Variants in NFIC observed in about 807,000 individuals in gnomAD.
NFIC encodes nuclear factor I C, also known as nuclear factor 1 C-type.
Under a neutral mutation model 54.4 loss-of-function variants are expected in NFIC, and 12 were observed. That is an observed-to-expected ratio of 0.22 (90% CI 0.14 to 0.36). NFIC has a LOEUF of 0.36. Among genes scored for constraint, NFIC ranks in the 10% least tolerant of loss-of-function variants. NFIC has a pLI of 1.00. For synonymous variants in NFIC, 322 were observed against 319.2 expected (o/e 1.01, Z -0.09); for missense variants, 575 against 718.2 (o/e 0.80, Z 2.28).
At chr19:3,432,736 G>A (rs1280667446) in intron 3 of NFIC, among the ~76,000 whole-genome samples, 1 of 148,244 alleles carries the variant, frequency 6.7e-6, no homozygotes, top group Non-Finnish European at 1.5e-5. Flanking sequence ...GTGCAGTGGC[G>A]CAATCTCGGC....
At chr19:3,364,065 A>G (rs1408177357), upstream of NFIC, among the ~76,000 whole-genome samples, 1 of 151,990 alleles carries the variant, frequency 6.6e-6, no homozygotes, top group African/African-American at 2.4e-5. Context: ...TGTGGGCATT[A>G]GTTTTATAGG....
rs2082687577 is a variant in NFIC at position 3,464,394 on chromosome 19, C to A, written c.*1625C>A. The A allele has an allele frequency of 1.0e-6, 1 of 984,416 alleles. No individual in the cohort carries two copies. Among genetic ancestry groups the A allele is most frequent in the Non-Finnish European group, 1.2e-6 (1 of 829,216 alleles). 61.0% of individuals were successfully genotyped at this position (984,416 alleles called of 1,614,324 possible). ...ACACTAAGCTGGGGACGCCAGGTGC[C>A]CCCCCACCCCGGCTCCCTGGCCCTA... On this transcript the variant is annotated 3_prime_UTR_variant, in exon 11 of 11. Transcript: ENST00000443272.
chr19:3,367,239 G>A (rs2080907525), intron 1 of NFIC, among the ~76,000 whole-genome samples: 2 of 152,208 alleles, frequency 1.3e-5, no homozygotes, highest in Admixed American at 6.5e-5. Context: ...GAGGGGGAGG[G>A]GGCAGGAGAA....
At position 3,461,066 on chromosome 19, in the gene NFIC, AGT is replaced by A. The variant is rs2082631076; in HGVS notation, c.1510-1684_1510-1683del. Among the ~76,000 whole-genome samples, 5 of 152,098 alleles carry A rather than the reference AGT, an allele frequency of 3.3e-5. 1 individual carries two copies. The South Asian group carries it at 1.0e-3, about 32-fold the overall frequency. ...CTTGAACCCGGGAGGCAGAGGTTGC[AGT>A]GAGCCAAGATCGTGCCACTGCACTC... On this transcript the variant is annotated intron_variant, in intron 10 of 10. Coordinates refer to ENST00000443272, the MANE Select transcript of NFIC (RefSeq NM_001245002.2).
In NFIC at chr19:3,458,197, G is replaced by A. The variant is rs967745474; in HGVS notation, c.1509+1562G>A. Among the ~76,000 whole-genome samples the A allele has an allele frequency of 3.3e-5, 5 of 152,266 alleles. No homozygotes were observed. In the East Asian group the frequency reaches 7.7e-4, roughly 24 times the overall value. On this transcript the variant is annotated intron_variant, in intron 10 of 10. Transcript: ENST00000443272. This position sits in a 1 kb window ranked among gnomAD's most constrained non-coding sequence, Gnocchi z 4.1. ...AGTAACTTGGTCAGGGTCCCCCAGC[G>A]AGCAGACGTCCAGGACTCCTCGCTT...
chr19:3,456,672 G>T (rs753279348), intron 10 of NFIC, 37 bp downstream of exon 10: 15 of 1,125,560 alleles, frequency 1.3e-5, no homozygotes, highest in Non-Finnish European at 1.7e-5. Flanking sequence ...GGTGGGAGGG[G>T]CAGGGCAGAG....
chr19:3,386,210 A>G (rs552991413), intron 2 of NFIC, among the ~76,000 whole-genome samples: 4 of 151,852 alleles, frequency 2.6e-5, no homozygotes, highest in Non-Finnish European at 4.4e-5. Context: ...AAAATGGCAA[A>G]ACCCCATCTC....
chr19:3,405,158 G>T (rs2081627028), intron 2 of NFIC, among the ~76,000 whole-genome samples: 1 of 152,252 alleles, frequency 6.6e-6, no homozygotes, highest in Non-Finnish European at 1.5e-5. Context: ...GGCGGCAGGG[G>T]AGAGGGAGAT....
At chr19:3,386,971 C>T (rs1000386567) in intron 2 of NFIC, among the ~76,000 whole-genome samples, 2 of 152,198 alleles carry the variant, frequency 1.3e-5, no homozygotes, top group Non-Finnish European at 2.9e-5. Flanking sequence ...GACTGGCCAC[C>T]GGCTTCCTTT....
chr19:3,449,391 C>T lies in NFIC; in HGVS notation c.1084+252C>T, dbSNP rs3764608. On this transcript the variant is annotated intron_variant, in intron 7 of 10. Coordinates refer to ENST00000443272, the MANE Select transcript of NFIC (RefSeq NM_001245002.2). The stretch of plus-strand genomic sequence containing the variant: ...ACAAAAGGCTGCAACCTAACTTCAC[C>T]TCACTCCCCTCACCCCCGTCTCAAT... Among the ~76,000 whole-genome samples the T allele has an allele frequency of 6.2e-4, 95 of 152,208 alleles. No homozygotes were observed. In the East Asian group the frequency reaches 0.018, roughly 29 times the overall value.
At position 3,381,686 on chromosome 19, in the gene NFIC, T is replaced by A. The variant is rs745628814; in HGVS notation, c.31-26T>A. On this transcript the variant is annotated intron_variant, in intron 1 of 10. Transcript: ENST00000443272. ...CCGCCCTCTGCGTCCCTGGCGCTCC[T>A]GACCTCTCGCCTCTCCGGCCTGCAG... 3 of 1,610,610 alleles carry A rather than the reference T, an allele frequency of 1.9e-6. No individual in the cohort carries two copies. In the South Asian group the frequency reaches 3.3e-5, roughly 18 times the overall value.
upstream of NFIC, among the ~76,000 whole-genome samples, chr19:3,365,173 C>T (rs1454555055): frequency 6.6e-6 from 1 of 152,262 alleles, no homozygotes; most frequent in East Asian, 1.9e-4. Context: ...TCCTGTAATG[C>T]CTGAGGATAA....
intron 10 of NFIC, among the ~76,000 whole-genome samples, chr19:3,460,698 G>A (rs555156549): frequency 2.0e-5 from 3 of 152,088 alleles, no homozygotes; most frequent in Non-Finnish European, 2.9e-5. Context: ...ATTTTTAGTA[G>A]AGACAGGGTT....
intron 9 of NFIC, among the ~76,000 whole-genome samples, chr19:3,455,975 T>G (rs1206166281): frequency 6.6e-6 from 1 of 152,090 alleles, no homozygotes; most frequent in African/African-American, 2.4e-5. Context: ...TGTTGCAGCT[T>G]CTTCTCCCCC....
Position 3,463,514 on chromosome 19 carries a change from C to T in NFIC, c.*745C>T, listed in dbSNP as rs1367472886. On this transcript the variant is annotated 3_prime_UTR_variant, in exon 11 of 11. Transcript: ENST00000443272. ...GGCCCTGCCTGCCGCGGGGCCTCCC[C>T]ACAAGCCCCTCCCAAAGCGCCGGCC... 2 of 985,118 alleles carry T rather than the reference C, an allele frequency of 2.0e-6. No individual in the cohort carries two copies. Among genetic ancestry groups the T allele is most frequent in the African/African-American group, 3.5e-5 (2 of 57,134 alleles). The allele number at this position is 985,118 out of a possible 1,614,324, so 61.0% of individuals were successfully genotyped here.
At chr19:3,421,983 G>C (rs1599658520) in intron 2 of NFIC, among the ~76,000 whole-genome samples, 1 of 152,162 alleles carries the variant, frequency 6.6e-6, no homozygotes, top group South Asian at 2.1e-4. Flanking sequence ...GCCCAGGCTG[G>C]AGTGCAATAA....
Position 3,464,199 on chromosome 19 carries a change from G to A in NFIC, c.*1430G>A, listed in dbSNP as rs1238185557. ...TACCCCGACGCGGGGCCCAGCTGCG[G>A]GACGTGCATCACGGCTGGGCCCCCA... On this transcript the variant is annotated 3_prime_UTR_variant, in exon 11 of 11. Transcript: ENST00000443272. 26 of 984,190 alleles carry A rather than the reference G, an allele frequency of 2.6e-5. No individual in the cohort carries two copies. Among genetic ancestry groups the A allele is most frequent in the Non-Finnish European group, 3.0e-5 (25 of 829,920 alleles). 61.0% of individuals were successfully genotyped at this position (984,190 alleles called of 1,614,324 possible). A position where few individuals can be genotyped will look rare whatever the true frequency, so the allele number is the denominator to read the frequency against.
intron 2 of NFIC, among the ~76,000 whole-genome samples, chr19:3,404,226 G>GC (rs997975176): frequency 4.6e-5 from 7 of 151,036 alleles, no homozygotes; most frequent in African/African-American, 1.7e-4. Context: ...CTGCTGGGAA[G>GC]CCAAGAATTT....
rs11878387 is a variant in NFIC at position 3,382,173 on chromosome 19, G to T, written c.492G>T (p.Val164=). Residue 164 remains valine, a synonymous_variant, in exon 2 of 11, where the codon GTG becomes GTT. Transcript: ENST00000443272. ...AGTGCGGTCACCCGGTCCTGTGCGTGCAGCCGCACCACATTGGCGTGGCCG... is the reference window on the plus strand; with the variant it reads ...AGTGCGGTCACCCGGTCCTGTGCGTTCAGCCGCACCACATTGGCGTGGCCG... The part of the protein sequence containing the change: ...AAQCGHPVLC[V]QPHHIGVAVK... 2,195 of 1,612,286 alleles carry T rather than the reference G, an allele frequency of 1.4e-3. 43 individuals carry two copies. In the South Asian group the frequency reaches 0.018, roughly 13 times the overall value.
Sources: gnomAD v4.1 joint callset for allele counts (sites outside exome capture counted in the v4.1 genomes callset) on GRCh38, gnomAD v4.1.1 for gene constraint, Gnocchi (gnomAD v3.1) non-coding constraint, MANE v1.5 for transcripts, NCBI Gene and HGNC (gene_info 2026-07-23, HGNC 2026-07-21) for gene names.